The following CDC42BPA variants were observed in gnomAD, a reference collection of about 807,000 sequenced individuals.
CDC42BPA encodes the protein serine/threonine-protein kinase MRCK alpha.
A neutral mutation model predicts 223.5 loss-of-function variants in CDC42BPA; 80 were observed. That is an observed-to-expected ratio of 0.36 (90% CI 0.30 to 0.43). The LOEUF (loss-of-function observed/expected upper bound fraction) is 0.43, where lower values mean the gene tolerates loss of function less well. Ranked by LOEUF, CDC42BPA falls within the 20% of genes least tolerant of loss-of-function variation. CDC42BPA has a pLI of 1.00. For missense variants in CDC42BPA, 1,743 were observed against 2,099.9 expected, an observed-to-expected ratio of 0.83 and a Z score of 3.32; for synonymous variants, 694 against 718.6, an observed-to-expected ratio of 0.97 and a Z score of 0.55.
At chr1:227,100,765 T>C (rs1297352034) in intron 15 of CDC42BPA, among the ~76,000 whole-genome samples, 1 of 147,022 alleles carries the variant, frequency 6.8e-6, no homozygotes, top group African/African-American at 2.5e-5. Context: ...TGTGTGTGTG[T>C]GTGTGTGTGT....
At position 227,112,922 on chromosome 1, in the gene CDC42BPA, T is replaced by C; in HGVS notation, c.1648-9A>G. 6.2e-7 allele frequency: 1 copy of C among 1,611,568 alleles called. No individual in the cohort carries two copies. The stretch of plus-strand genomic sequence containing the variant: ...CTAGCCTGGACTAGTTCCTACAGTT[T>C]TGTAAAAAGAATATAAGTTACCAAT... On this transcript the variant is annotated splice_polypyrimidine_tract_variant and intron_variant, in intron 12 of 36. Transcript: ENST00000366766.
intron 24 of CDC42BPA, among the ~76,000 whole-genome samples, chr1:227,036,954 C>A (rs1670396390): frequency 6.6e-6 from 1 of 152,132 alleles, no homozygotes; most frequent in Non-Finnish European, 1.5e-5. Context: ...GTCCCCATAG[C>A]TTCATAAAGT....
chr1:227,236,599 A>G (rs1009651976), intron 2 of CDC42BPA, among the ~76,000 whole-genome samples: 1 of 152,188 alleles, frequency 6.6e-6, no homozygotes, highest in Non-Finnish European at 1.5e-5. Flanking sequence ...ATACCTACAT[A>G]CAACTACAAA....
Position 227,097,308 on chromosome 1 carries a change from CA to C in CDC42BPA, c.2249+3683del, listed in dbSNP as rs1353112186. Among the ~76,000 whole-genome samples the C allele has an allele frequency of 3.7e-5, 5 of 136,654 alleles. No individual in the cohort carries two copies. The Admixed American group carries it at 3.8e-4, about 11-fold the overall frequency. The allele number at this position is 136,654 out of a possible 152,430, so 89.7% of individuals were successfully genotyped here. On this transcript the variant is annotated intron_variant, in intron 15 of 36. Transcript: ENST00000366766. ...TACTTTTCCACAAAATTGTTCTTAT[CA>C]AAGGCACCAATGACCTTCATATTGC...
intron 1 of CDC42BPA, among the ~76,000 whole-genome samples, chr1:227,290,953 T>C (rs1017613513): frequency 6.6e-6 from 1 of 152,180 alleles, no homozygotes; most frequent in Non-Finnish European, 1.5e-5. Context: ...TAGGGGAGAC[T>C]GTTTGTTGTC....
chr1:227,219,108 A>G (rs2203279), intron 2 of CDC42BPA, among the ~76,000 whole-genome samples: 24,037 of 152,242 alleles, frequency 0.16, 2,182 homozygotes, highest in East Asian at 0.37. Context: ...TTACTCTCCC[A>G]TGAATGCCAG....
intron 27 of CDC42BPA, among the ~76,000 whole-genome samples, chr1:227,031,843 G>A (rs1439557891): frequency 6.6e-6 from 1 of 152,104 alleles, no homozygotes; most frequent in Non-Finnish European, 1.5e-5. Context: ...TGAGCACCAG[G>A]TAGATCTAAG....
At chr1:227,068,535 C>T (rs993171756) in intron 21 of CDC42BPA, 8 of 228,464 alleles carry the variant, frequency 3.5e-5, no homozygotes, top group Non-Finnish European at 7.2e-5. Context: ...TATTTTGGCT[C>T]ACATAAATTT....
chr1:226,995,270 T>A (rs1167820170), intron 35 of CDC42BPA, among the ~76,000 whole-genome samples: 2 of 152,208 alleles, frequency 1.3e-5, no homozygotes, highest in Non-Finnish European at 2.9e-5. Context: ...CCAGAATCCC[T>A]CAAGTCTCCA....
At chr1:227,040,604 C>T (rs536460996) in intron 23 of CDC42BPA, among the ~76,000 whole-genome samples, 2 of 152,114 alleles carry the variant, frequency 1.3e-5, no homozygotes, top group South Asian at 4.1e-4. Context: ...TATACTGATA[C>T]AAATATAGGA....
chr1:227,293,111 A>G (rs1689982219), intron 1 of CDC42BPA, among the ~76,000 whole-genome samples: 1 of 152,184 alleles, frequency 6.6e-6, no homozygotes, highest in Non-Finnish European at 1.5e-5. Context: ...TCACTCACCA[A>G]TTCTTTCATT....
intron 2 of CDC42BPA, among the ~76,000 whole-genome samples, chr1:227,233,189 A>G (rs1678352941): frequency 6.6e-6 from 1 of 152,076 alleles, no homozygotes. Context: ...TAGAACCGCT[A>G]TTTTTTTATT....
chr1:227,170,282 C>T (rs1330511218), intron 5 of CDC42BPA, among the ~76,000 whole-genome samples: 1 of 151,970 alleles, frequency 6.6e-6, no homozygotes, highest in Admixed American at 6.6e-5. Flanking sequence ...AACCCCATGC[C>T]CACAGCTCTG....
At chr1:227,121,047 G>A (rs908672371) in intron 11 of CDC42BPA, among the ~76,000 whole-genome samples, 4 of 152,102 alleles carry the variant, frequency 2.6e-5, no homozygotes, top group Non-Finnish European at 4.4e-5. Flanking sequence ...GAGCTCAGGC[G>A]CTAATGCTCA....
At chr1:227,147,916 C>G (rs1289883146) in intron 6 of CDC42BPA, among the ~76,000 whole-genome samples, 1 of 151,154 alleles carries the variant, frequency 6.6e-6, no homozygotes, top group Admixed American at 6.6e-5. Context: ...AAAATGAAAC[C>G]GTCAAAATTG....
intron 4 of CDC42BPA, among the ~76,000 whole-genome samples, chr1:227,196,458 G>A (rs1184727107): frequency 6.8e-6 from 1 of 146,540 alleles, no homozygotes; most frequent in Non-Finnish European, 1.5e-5. Context: ...TCCTGCCTCA[G>A]CCTCCCCAGT....
intron 21 of CDC42BPA, among the ~76,000 whole-genome samples, chr1:227,056,456 C>T (rs1674580984): frequency 2.0e-5 from 3 of 151,680 alleles, no homozygotes; most frequent in South Asian, 2.1e-4. Flanking sequence ...GGCACAATCA[C>T]GGGTCACTAC....
At chr1:226,997,417 T>C (rs1661867580) in intron 35 of CDC42BPA, among the ~76,000 whole-genome samples, 1 of 152,172 alleles carries the variant, frequency 6.6e-6, no homozygotes, top group African/African-American at 2.4e-5. Flanking sequence ...GAATCACTGA[T>C]TTTTTGAAGG....
intron 10 of CDC42BPA, among the ~76,000 whole-genome samples, chr1:227,129,691 A>AAAAAAAAAAAAAAAC: frequency 7.1e-6 from 1 of 140,434 alleles, no homozygotes; most frequent in African/African-American, 2.6e-5. Flanking sequence ...AAAAAAAAAA[A>AAAAAAAAAAAAAAAC]AAATCCACTG....
Sources: allele counts gnomAD v4.1 joint callset (sites outside exome capture counted in the v4.1 genomes callset), GRCh38; gene constraint gnomAD v4.1.1; transcripts MANE v1.5; gene names NCBI Gene and HGNC (gene_info 2026-07-23, HGNC 2026-07-21).